The following TMEM232 variants were observed in gnomAD, a reference collection of about 807,000 sequenced individuals.
TMEM232 encodes the protein transmembrane protein 232.
Under a neutral mutation model 78.8 loss-of-function variants are expected in TMEM232, and 80 were observed. That is an observed-to-expected ratio of 1.01 (90% CI 0.85 to 1.22). The LOEUF (loss-of-function observed/expected upper bound fraction) is 1.22, where lower values mean the gene tolerates loss of function less well. Ranked by LOEUF, TMEM232 falls within the 50% of genes most tolerant of loss-of-function variation. The pLI, the probability that TMEM232 is intolerant of heterozygous loss-of-function variation, is 0.00. For missense variants in TMEM232, 881 were observed against 742.2 expected (o/e 1.19, Z -2.17); for synonymous variants, 297 against 254.3 (o/e 1.17, Z -1.60).
chr5:110,625,062 T>C (rs1008843692), intron 7 of TMEM232, among the ~76,000 whole-genome samples: 4 of 152,078 alleles, frequency 2.6e-5, no homozygotes, highest in Non-Finnish European at 5.9e-5. Context: ...TATATATTGA[T>C]ACCTCCTACT....
At chr5:110,513,166 G>T (rs542780024) in intron 12 of TMEM232, among the ~76,000 whole-genome samples, 3 of 152,182 alleles carry the variant, frequency 2.0e-5, no homozygotes, top group Non-Finnish European at 4.4e-5. Context: ...AGGCAAGTTT[G>T]CAGATAAACT....
At chr5:110,712,319 A>G (rs1361019933) in intron 1 of TMEM232, among the ~76,000 whole-genome samples, 1 of 151,882 alleles carries the variant, frequency 6.6e-6, no homozygotes, top group African/African-American at 2.4e-5. Flanking sequence ...CCAAAGACTA[A>G]GAGAAAATAG....
At position 110,568,507 on chromosome 5, in the gene TMEM232, C is replaced by T; in HGVS notation, c.1395G>A (p.Leu465=). ...DGLRNMIWQT[L]QKTKDYEEDV... Reference sequence around the variant, plus strand: ...CTTCCTCATAATCCTTTGTTTTCTGCAATGTTTGCCATATCATGTTTCTAA... The same window carrying T: ...CTTCCTCATAATCCTTTGTTTTCTGTAATGTTTGCCATATCATGTTTCTAA... Residue 465 remains leucine, a synonymous_variant, in exon 11 of 14, where the codon TTG becomes TTA. Coordinates refer to ENST00000455884, the MANE Select transcript of TMEM232 (RefSeq NM_001039763.4). 6.5e-7 allele frequency: 1 copy of T among 1,548,802 alleles called. No homozygotes were observed. Among genetic ancestry groups the T allele is most frequent in the African/African-American group, 1.4e-5 (1 of 72,882 alleles).
chr5:110,586,897 C>T (rs1039071142), intron 10 of TMEM232, among the ~76,000 whole-genome samples: 1 of 152,052 alleles, frequency 6.6e-6, no homozygotes, highest in Non-Finnish European at 1.5e-5. Flanking sequence ...AATCTTATAA[C>T]ATTCTCAAAA....
At chr5:110,612,244 A>C (rs1247757978) in intron 8 of TMEM232, among the ~76,000 whole-genome samples, 1 of 152,152 alleles carries the variant, frequency 6.6e-6, no homozygotes, top group Non-Finnish European at 1.5e-5. Flanking sequence ...GACAAGACTA[A>C]AATTCATGTC....
At chr5:110,710,136 C>T (rs186757031) in intron 1 of TMEM232, among the ~76,000 whole-genome samples, 2 of 151,984 alleles carry the variant, frequency 1.3e-5, no homozygotes, top group Non-Finnish European at 2.9e-5. Flanking sequence ...CTAGGAGCAA[C>T]TCTACGCCAA....
intron 12 of TMEM232, among the ~76,000 whole-genome samples, chr5:110,498,685 G>A (rs1458623939): frequency 6.6e-6 from 1 of 152,070 alleles, no homozygotes; most frequent in Non-Finnish European, 1.5e-5. Flanking sequence ...ATGCAGAATG[G>A]CTAATACTCA....
intron 12 of TMEM232, among the ~76,000 whole-genome samples, chr5:110,523,420 A>G (rs941511910): frequency 6.6e-6 from 1 of 152,046 alleles, no homozygotes; most frequent in Non-Finnish European, 1.5e-5. Flanking sequence ...CCTTCTGCTA[A>G]CTTTGAGCTT....
intron 11 of TMEM232, among the ~76,000 whole-genome samples, chr5:110,532,296 C>T (rs1005012503): frequency 3.3e-5 from 5 of 151,770 alleles, no homozygotes; most frequent in Non-Finnish European, 4.4e-5. Flanking sequence ...CAGATCTTCT[C>T]GGCTTAGCGG....
intron 12 of TMEM232, among the ~76,000 whole-genome samples, chr5:110,490,572 T>A (rs903651564): frequency 6.6e-6 from 1 of 152,082 alleles, no homozygotes; most frequent in African/African-American, 2.4e-5. Flanking sequence ...TTAAAAAGAA[T>A]AATAAAACTT....
chr5:110,694,837 C>G (rs529870781), intron 1 of TMEM232, among the ~76,000 whole-genome samples: 1 of 151,974 alleles, frequency 6.6e-6, no homozygotes, highest in Non-Finnish European at 1.5e-5. Flanking sequence ...ACTTAGACTC[C>G]GACACAATAA....
At chr5:110,397,904 A>G (rs937660992) in intron 2 of TMEM232, 1 of 152,598 alleles carries the variant, frequency 6.6e-6, no homozygotes, top group African/African-American at 2.4e-5. Context: ...CATTATTGAT[A>G]GTCTGTTCTT....
chr5:110,610,486 A>T (rs1782120484), intron 8 of TMEM232: 1 of 448,854 alleles, frequency 2.2e-6, no homozygotes, highest in East Asian at 7.0e-5. Context: ...ATGAACTATG[A>T]GTAGTCAATA....
intron 12 of TMEM232, among the ~76,000 whole-genome samples, chr5:110,467,409 A>G (rs1762202779): frequency 6.6e-6 from 1 of 152,230 alleles, no homozygotes; most frequent in Non-Finnish European, 1.5e-5. Context: ...TGAATAACGG[A>G]TGAGTTTCAA....
intron 1 of TMEM232, chr5:110,725,851 C>T (rs539732135): frequency 6.6e-6 from 1 of 152,016 alleles, no homozygotes; most frequent in South Asian, 2.1e-4. Context: ...AAAATTATAT[C>T]AAGACTTTGG....
At chr5:110,704,775 C>A (rs572437793) in intron 1 of TMEM232, among the ~76,000 whole-genome samples, 33 of 152,190 alleles carry the variant, frequency 2.2e-4, no homozygotes, top group Non-Finnish European at 4.3e-4. Context: ...CTTCCCAATT[C>A]CATGCCTGAT....
intron 1 of TMEM232, among the ~76,000 whole-genome samples, chr5:110,703,465 C>T (rs1007959651): frequency 2.0e-5 from 3 of 152,054 alleles, no homozygotes; most frequent in African/African-American, 7.2e-5. Context: ...CCAATTTGTT[C>T]AAAGCATAAT....
intron 12 of TMEM232, among the ~76,000 whole-genome samples, chr5:110,454,114 A>G (rs1210307099): frequency 6.6e-6 from 1 of 152,216 alleles, no homozygotes; most frequent in Non-Finnish European, 1.5e-5. Context: ...ACAGAAAATC[A>G]ATAAGGATAT....
At chr5:110,689,212 G>A (rs185540975) in intron 1 of TMEM232, among the ~76,000 whole-genome samples, 6 of 152,118 alleles carry the variant, frequency 3.9e-5, no homozygotes, top group Non-Finnish European at 2.9e-5. Context: ...GTAAACCCTG[G>A]GGCAAGGGCA....
Sources: allele counts gnomAD v4.1 joint callset (sites outside exome capture counted in the v4.1 genomes callset), GRCh38; gene constraint gnomAD v4.1.1; transcripts MANE v1.5; gene names NCBI Gene and HGNC (gene_info 2026-07-23, HGNC 2026-07-21).